Variants in KDM4C observed in about 807,000 individuals in gnomAD.
KDM4C encodes lysine demethylase 4C, also known as lysine-specific demethylase 4C.
In KDM4C, 81 loss-of-function variants were observed where a neutral mutation model predicts 129.3. The ratio of observed to expected loss-of-function variants is 0.63; its 90% CI spans 0.52 to 0.75. The LOEUF is 0.75. Ranked by LOEUF, KDM4C falls within the 30% of genes least tolerant of loss-of-function variation. The probability of loss-of-function intolerance (pLI) is 0.00; values close to 1 mark genes in which losing one functional copy is unlikely to be tolerated. For missense variants in KDM4C, 1,457 were observed against 1,304.0 expected (o/e 1.12, Z -1.81); for synonymous variants, 573 against 456.1 (o/e 1.26, Z -3.26).
At chr9:7,103,064 C>T (rs1319605181) in intron 17 of KDM4C, among the ~76,000 whole-genome samples, 4 of 152,110 alleles carry the variant, frequency 2.6e-5, no homozygotes, top group African/African-American at 9.7e-5. Context: ...CCAAATTATG[C>T]CCTTTGGGGT....
At chr9:7,095,808 G>A (rs1016783571) in intron 17 of KDM4C, among the ~76,000 whole-genome samples, 7 of 152,060 alleles carry the variant, frequency 4.6e-5, no homozygotes, top group African/African-American at 7.2e-5. Flanking sequence ...CAGAAGGGAC[G>A]GTGACTTTTG....
At position 6,765,877 on chromosome 9, in the gene KDM4C, C is replaced by T. The variant is rs565104125; in HGVS notation, c.-18+7674C>T. ...GATCTCGGCTCACTGCAACCTTCAC[C>T]TCCTGGGTTCAAGCTATTCCCCTGC... On this transcript the variant is annotated intron_variant, in intron 1 of 21. Coordinates refer to ENST00000381309, the MANE Select transcript of KDM4C (RefSeq NM_015061.6). Among the ~76,000 whole-genome samples the T allele has an allele frequency of 3.2e-4, 49 of 151,334 alleles. 1 individual carries two copies. The South Asian group carries it at 7.3e-3, about 23-fold the overall frequency.
intron 8 of KDM4C, chr9:6,902,753 G>T (rs1817621406): frequency 6.6e-6 from 1 of 152,206 alleles, no homozygotes; most frequent in Admixed American, 6.5e-5. Context: ...TGTTTGCAGG[G>T]TAAGTGTCAA....
rs184764035 is a variant in KDM4C, at chr9:6,878,199, G to A, written c.630-1813G>A. ...ACTTGGGAAATATTACATGTCTTCC[G>A]TGTACGGGGCTGTGATTGGAAGGAA... is the stretch of plus-strand genomic sequence containing the variant. On this transcript the variant is annotated intron_variant, in intron 5 of 21. Coordinates refer to ENST00000381309, the MANE Select transcript of KDM4C (RefSeq NM_015061.6). Among the ~76,000 whole-genome samples the A allele has an allele frequency of 3.2e-4, 48 of 152,276 alleles. No homozygotes were observed. The South Asian group carries it at 7.9e-3, about 25-fold the overall frequency.
chr9:7,133,609 T>A (rs1840876888), intron 19 of KDM4C, among the ~76,000 whole-genome samples: 1 of 152,202 alleles, frequency 6.6e-6, no homozygotes, highest in Non-Finnish European at 1.5e-5. Context: ...TTAGTCCCCT[T>A]GTTCCATTGC....
chr9:7,158,838 C>A (rs148021448), intron 19 of KDM4C, among the ~76,000 whole-genome samples: 34 of 152,216 alleles, frequency 2.2e-4, no homozygotes, highest in African/African-American at 7.2e-4. Context: ...GTGGAGAGTC[C>A]TGTAGATGTC....
At chr9:6,876,336 G>C (rs774190105) in intron 5 of KDM4C, among the ~76,000 whole-genome samples, 1 of 152,086 alleles carries the variant, frequency 6.6e-6, no homozygotes, top group Non-Finnish European at 1.5e-5. Flanking sequence ...GTGTTGTTCT[G>C]TGAGGTAGAT....
intron 19 of KDM4C, among the ~76,000 whole-genome samples, chr9:7,128,461 G>T (rs1040191968): frequency 3.9e-5 from 6 of 152,038 alleles, no homozygotes; most frequent in Admixed American, 3.9e-4. Context: ...CAGCCCTCAC[G>T]ACCTAATCAC....
At chr9:6,994,112 A>C (rs1017787954) in intron 12 of KDM4C, among the ~76,000 whole-genome samples, 1 of 152,054 alleles carries the variant, frequency 6.6e-6, no homozygotes, top group African/African-American at 2.4e-5. Flanking sequence ...GGAGTGTGCA[A>C]CCTAGATCCC....
chr9:6,834,047 T>A (rs1159048387), intron 4 of KDM4C, among the ~76,000 whole-genome samples: 1 of 145,344 alleles, frequency 6.9e-6, no homozygotes, highest in African/African-American at 2.6e-5. Flanking sequence ...GATAGTCTTT[T>A]TTTTTTTTTT....
intron 17 of KDM4C, among the ~76,000 whole-genome samples, chr9:7,081,425 C>T (rs539854032): frequency 6.6e-6 from 1 of 152,154 alleles, no homozygotes; most frequent in Non-Finnish European, 1.5e-5. Flanking sequence ...AGTATTCCTA[C>T]CAGTGCCCCA....
At chr9:7,038,745 A>T (rs927579631) in intron 15 of KDM4C, among the ~76,000 whole-genome samples, 1 of 151,986 alleles carries the variant, frequency 6.6e-6, no homozygotes, top group Non-Finnish European at 1.5e-5. Flanking sequence ...ACAATGTTAA[A>T]TTCTTCTCCG....
rs114483520 is a variant in KDM4C, at chr9:6,738,876, C to T, written c.49+17879C>T. Among the ~76,000 whole-genome samples the T allele has an allele frequency of 9.5e-3, 1,443 of 151,102 alleles. 22 individuals carry two copies. Among genetic ancestry groups the T allele is most frequent in the African/African-American group, 0.033 (1,370 of 41,204 alleles). ...CTGGGATTACAGGCATGAGCTATCA[C>T]GCCTGGCCGCCCAGCTAATTTCTAT... On this transcript the variant is annotated intron_variant, in intron 1 of 17. Coordinates refer to the KDM4C transcript ENST00000536108.
chr9:6,990,805 A>G (rs1271011174), intron 12 of KDM4C, among the ~76,000 whole-genome samples: 1 of 152,180 alleles, frequency 6.6e-6, no homozygotes, highest in African/African-American at 2.4e-5. Flanking sequence ...TCTACAGAAG[A>G]AGCTGAGACT....
intron 4 of KDM4C, among the ~76,000 whole-genome samples, chr9:6,817,602 C>A (rs1832355396): frequency 2.0e-5 from 3 of 152,020 alleles, no homozygotes; most frequent in Admixed American, 2.0e-4. Context: ...AATAGCCTTT[C>A]CTCATTCTGC....
intron 17 of KDM4C, among the ~76,000 whole-genome samples, chr9:7,052,886 AG>A (rs1830355648): frequency 8.0e-5 from 1 of 12,436 alleles, no homozygotes; most frequent in African/African-American, 4.4e-4. Flanking sequence ...AGAGAGAGAG[AG>A]AGAGAGAGAG....
chr9:6,755,361 ACT>A (rs1818204964), upstream of KDM4C, among the ~76,000 whole-genome samples: 1 of 152,086 alleles, frequency 6.6e-6, no homozygotes, highest in African/African-American at 2.4e-5. Context: ...ACAGAGTGAG[ACT>A]CTGTCTCAAT....
intron 2 of KDM4C, among the ~76,000 whole-genome samples, chr9:6,804,784 G>C (rs1172309539): frequency 2.0e-5 from 3 of 151,470 alleles, no homozygotes; most frequent in South Asian, 2.1e-4. Context: ...ATATAATGTT[G>C]ACTATGTATT....
At chr9:6,780,317 G>T (rs1346899755) in intron 1 of KDM4C, among the ~76,000 whole-genome samples, 1 of 151,414 alleles carries the variant, frequency 6.6e-6, no homozygotes, top group Non-Finnish European at 1.5e-5. Context: ...TAAAGATGAG[G>T]TAATTTATTT....
Sources: allele counts gnomAD v4.1 joint callset (sites outside exome capture counted in the v4.1 genomes callset), GRCh38; gene constraint gnomAD v4.1.1; transcripts MANE v1.5; gene names NCBI Gene and HGNC (gene_info 2026-07-23, HGNC 2026-07-21).